Variants in NTM observed in about 807,000 individuals in gnomAD.
NTM encodes the protein neurotrimin.
In NTM, 13 loss-of-function variants were observed where a neutral mutation model predicts 42.1. That is an observed-to-expected ratio of 0.31 (90% CI 0.20 to 0.49). The LOEUF (loss-of-function observed/expected upper bound fraction) is 0.49, where lower values mean the gene tolerates loss of function less well. NTM is among the 20% of genes least tolerant of loss of function. The pLI is 0.99. For missense variants in NTM, 373 were observed against 452.8 expected, an observed-to-expected ratio of 0.82 and a Z score of 1.60; for synonymous variants, 187 against 179.2, an observed-to-expected ratio of 1.04 and a Z score of -0.35.
chr11:132,317,583 A>G, intron 7 of NTM: 3 of 867,270 alleles, frequency 3.5e-6, no homozygotes, highest in East Asian at 6.3e-5. Context: ...TATATGACAA[A>G]TATATAGCAC....
At chr11:131,517,386 G>T (rs554275896) in intron 1 of NTM, among the ~76,000 whole-genome samples, 1 of 152,120 alleles carries the variant, frequency 6.6e-6, no homozygotes, top group Non-Finnish European at 1.5e-5. Context: ...CCTTGGTTAC[G>T]GCATGGCCTG....
intron 1 of NTM, among the ~76,000 whole-genome samples, chr11:131,408,530 A>G (rs937043530): frequency 2.0e-5 from 3 of 152,250 alleles, no homozygotes; most frequent in African/African-American, 7.2e-5. Context: ...GATAATGATC[A>G]GCCTTTGGGC....
chr11:131,822,662 T>A (rs2093240420), intron 1 of NTM, among the ~76,000 whole-genome samples: 1 of 152,194 alleles, frequency 6.6e-6, no homozygotes, highest in Admixed American at 6.5e-5. Flanking sequence ...GGTGTCAATG[T>A]AATGTGTTAC....
Position 132,225,611 on chromosome 11 carries a change from T to G in NTM, c.526+13464T>G, listed in dbSNP as rs3099766. On this transcript the variant is annotated intron_variant, in intron 4 of 8. Transcript: ENST00000683400. ...TTCATGCATGAACCTGAAAACCATG[T>G]GCAAAACTGTGGGACTTGTTCTAAT... Among the ~76,000 whole-genome samples the G allele has an allele frequency of 2.6e-4, 39 of 152,122 alleles. No homozygotes were observed. In the East Asian group the frequency reaches 7.6e-3, roughly 29 times the overall value.
intron 1 of NTM, among the ~76,000 whole-genome samples, chr11:131,604,807 A>G (rs959147960): frequency 3.3e-5 from 5 of 151,768 alleles, no homozygotes; most frequent in Non-Finnish European, 7.4e-5. Flanking sequence ...TTTTTAACAA[A>G]CTATTCTTTC....
chr11:132,217,455 CCTT>C (rs1467512547), intron 4 of NTM, among the ~76,000 whole-genome samples: 1 of 147,070 alleles, frequency 6.8e-6, no homozygotes, highest in Non-Finnish European at 1.5e-5. Context: ...CTCTCTTTTT[CCTT>C]CTTTCTCTCT....
chr11:131,889,529 C>T (rs1230418703), intron 1 of NTM, among the ~76,000 whole-genome samples: 1 of 152,036 alleles, frequency 6.6e-6, no homozygotes, highest in Non-Finnish European at 1.5e-5. Context: ...AGTGTGTGGG[C>T]CTTTAAAAAA....
rs369166916 is a variant in NTM, at chr11:131,648,071, A to T, written c.83-263493A>T. On this transcript the variant is annotated intron_variant, in intron 1 of 8. Transcript: ENST00000683400. ...CCCTTCTTTGTGTCCATGTGTTCTC[A>T]TCACTTAGCTCCCACTTATAAGTGA... Among the ~76,000 whole-genome samples, 22 of 152,238 alleles carry T rather than the reference A, an allele frequency of 1.4e-4. 1 individual carries two copies. The South Asian group carries it at 4.6e-3, about 32-fold the overall frequency.
chr11:131,782,832 C>T (rs148004693), intron 1 of NTM, among the ~76,000 whole-genome samples: 3,248 of 152,158 alleles, frequency 0.021, 380 homozygotes, highest in Admixed American at 0.19. Context: ...GTAACTTTCT[C>T]AACCTGATAA....
At chr11:131,980,298 C>CTCCCCACAGAGCCCCATT in intron 2 of NTM, among the ~76,000 whole-genome samples, 1 of 152,136 alleles carries the variant, frequency 6.6e-6, no homozygotes, top group East Asian at 1.9e-4. Flanking sequence ...GATTTATTTT[C>CTCCCCACAGAGCCCCATT]TCCCCACAGA....
At chr11:131,470,905 T>C (rs891383627) in intron 1 of NTM, among the ~76,000 whole-genome samples, 3 of 152,196 alleles carry the variant, frequency 2.0e-5, no homozygotes, top group Non-Finnish European at 4.4e-5. Flanking sequence ...CAAGCCTTTA[T>C]TATCTAGACC....
chr11:132,318,439 T>G (rs1036608873), intron 7 of NTM, among the ~76,000 whole-genome samples: 3 of 152,172 alleles, frequency 2.0e-5, no homozygotes, highest in Non-Finnish European at 4.4e-5. Flanking sequence ...TGGAACATCA[T>G]AGGGGGTCCT....
intron 4 of NTM, among the ~76,000 whole-genome samples, chr11:132,261,400 G>A (rs947925386): frequency 3.9e-5 from 6 of 152,172 alleles, no homozygotes; most frequent in African/African-American, 1.2e-4. Context: ...CACCTGGGGG[G>A]CACAGACGCA....
chr11:132,028,830 C>G (rs916026484), intron 2 of NTM, among the ~76,000 whole-genome samples: 4 of 152,078 alleles, frequency 2.6e-5, no homozygotes, highest in African/African-American at 9.7e-5. Context: ...TTGCTCTCCC[C>G]CTGCTGGATG....
intron 1 of NTM, among the ~76,000 whole-genome samples, chr11:131,907,478 C>T (rs2054032666): frequency 6.6e-6 from 1 of 152,174 alleles, no homozygotes; most frequent in Non-Finnish European, 1.5e-5. Flanking sequence ...TCCTTTTGCT[C>T]AGGGAGTGTG....
intron 1 of NTM, chr11:131,771,681 T>A (rs2086121182): frequency 6.6e-6 from 1 of 152,208 alleles, no homozygotes; most frequent in Non-Finnish European, 1.5e-5. Flanking sequence ...TCCTCAGAGG[T>A]CTTCCTTAGC....
intron 3 of NTM, among the ~76,000 whole-genome samples, chr11:132,198,880 T>A (rs1197598959): frequency 6.6e-6 from 1 of 152,224 alleles, no homozygotes; most frequent in Non-Finnish European, 1.5e-5. Context: ...ATTCATTCAC[T>A]CATTTAGTAT....
intron 2 of NTM, among the ~76,000 whole-genome samples, chr11:131,971,785 C>T (rs749288075): frequency 2.2e-4 from 34 of 152,006 alleles, no homozygotes; most frequent in Non-Finnish European, 4.3e-4. Context: ...GTGGCTCACG[C>T]CTGTAATCCC....
intron 2 of NTM, among the ~76,000 whole-genome samples, chr11:132,031,609 A>G (rs2075928434): frequency 6.6e-6 from 1 of 152,114 alleles, no homozygotes; most frequent in African/African-American, 2.4e-5. Flanking sequence ...ATGAAGTTCA[A>G]GTTTGAAGGT....
Sources: allele counts gnomAD v4.1 joint callset (sites outside exome capture counted in the v4.1 genomes callset), GRCh38; gene constraint gnomAD v4.1.1; transcripts MANE v1.5; gene names NCBI Gene and HGNC (gene_info 2026-07-23, HGNC 2026-07-21).